HAGH: variants seen among roughly 807,000 people sequenced by gnomAD.
HAGH encodes hydroxyacylglutathione hydrolase, also known as hydroxyacylglutathione hydrolase, mitochondrial.
HAGH carries 29 observed loss-of-function variants against 35.1 expected under a neutral mutation model. The observed-to-expected ratio is 0.83, with a 90% confidence interval of 0.62 to 1.13. HAGH has a LOEUF of 1.13. Among genes scored for constraint, HAGH ranks in the 50% most tolerant of loss-of-function variants. HAGH has a pLI of 0.00. For missense variants in HAGH, 478 were observed against 419.6 expected, an observed-to-expected ratio of 1.14 and a Z score of -1.22; for synonymous variants, 225 against 176.1, an observed-to-expected ratio of 1.28 and a Z score of -2.20.
intron 7 of HAGH, chr16:1,812,513 A>AAAACC (rs1555466960): frequency 7.1e-6 from 1 of 141,016 alleles, no homozygotes; most frequent in Non-Finnish European, 1.5e-5. Flanking sequence ...TCAAAAAAAA[A>AAAACC]AAAAAACAAA....
rs140613961 is a variant in HAGH, at chr16:1,809,344, G to A, written c.866C>T (p.Pro289Leu). 3.1e-5 allele frequency: 50 copies of A among 1,613,226 alleles called. No homozygotes were observed. Among genetic ancestry groups the A allele is most frequent in the African/African-American group, 4.0e-5 (3 of 74,918 alleles). ...GCGCACGGCCCGCATGGTGGTCACCGGGTCCGTCTCACCTGCGTGCTGCTG... is the reference window on the plus strand; with the variant it reads ...GCGCACGGCCCGCATGGTGGTCACCAGGTCCGTCTCACCTGCGTGCTGCTG... ...TVQQHAGETDPVTTMRAVRRE... is the reference protein window; with the variant it reads ...TVQQHAGETDLVTTMRAVRRE... The change falls in exon 9 of 9, where the codon CCG becomes CTG. Residue 289 changes from proline (P) to leucine (L), a missense_variant. Pro to Leu is a moderately conservative substitution (Grantham distance 98). Coordinates refer to ENST00000397356, the MANE Select transcript of HAGH (RefSeq NM_005326.6).
rs1318500323 is a variant in HAGH, at chr16:1,819,227, C to T, written c.433-4G>A. On this transcript the variant is annotated splice_region_variant and splice_polypyrimidine_tract_variant and intron_variant, in intron 4 of 8. Coordinates refer to ENST00000397356, the MANE Select transcript of HAGH (RefSeq NM_005326.6). Reference sequence around the variant, plus strand: ...ACTTGACGTTCAGAGACCCCACCTTCAACAAAGCAGGCGACCGCGTGTGCT... The same window carrying T: ...ACTTGACGTTCAGAGACCCCACCTTTAACAAAGCAGGCGACCGCGTGTGCT... 2 of 1,595,450 alleles carry T rather than the reference C, an allele frequency of 1.3e-6. No homozygotes were observed. Among genetic ancestry groups the T allele is most frequent in the Non-Finnish European group, 1.7e-6 (2 of 1,165,170 alleles).
At chr16:1,821,990 A>G (rs905081862) in intron 3 of HAGH, 29 of 311,908 alleles carry the variant, frequency 9.3e-5, no homozygotes, top group Non-Finnish European at 1.4e-4. Flanking sequence ...CTGTAGACTC[A>G]TTTCCTCCCC....
At chr16:1,814,411 T>G (rs539058675) in intron 7 of HAGH, among the ~76,000 whole-genome samples, 1,541 of 151,574 alleles carry the variant, frequency 0.01, 10 homozygotes, top group Non-Finnish European at 0.016. Flanking sequence ...GAGGTGGATG[T>G]TGCGGTGAGC....
intron 7 of HAGH, among the ~76,000 whole-genome samples, chr16:1,816,129 G>A (rs957852605): frequency 9.5e-5 from 14 of 147,972 alleles, no homozygotes; most frequent in African/African-American, 1.7e-4. Context: ...TCTTGAACCC[G>A]GGAGGTGCTG....
chr16:1,814,885 A>C (rs537417449), intron 7 of HAGH, among the ~76,000 whole-genome samples: 1 of 151,884 alleles, frequency 6.6e-6, no homozygotes, highest in Non-Finnish European at 1.5e-5. Context: ...GCGACAGAGC[A>C]AGACTTTGTC....
chr16:1,812,077 A>G (rs1367334352), intron 7 of HAGH, among the ~76,000 whole-genome samples: 1 of 151,714 alleles, frequency 6.6e-6, no homozygotes, highest in Non-Finnish European at 1.5e-5. Flanking sequence ...CTGTAGTCCC[A>G]GGTACGGGAG....
intron 8 of HAGH, 138 bp downstream of exon 8, chr16:1,809,616 C>T (rs1327902917): frequency 5.4e-6 from 4 of 743,898 alleles, no homozygotes; most frequent in Admixed American, 2.0e-5. Context: ...GAAGAGTGCT[C>T]GGGCTCTGCG....
chr16:1,817,156 G>A lies in HAGH; in HGVS notation c.645+12C>T. 2 of 1,566,686 alleles carry A rather than the reference G, an allele frequency of 1.3e-6. No homozygotes were observed. The highest frequency in any genetic ancestry group is 1.8e-6 in the Non-Finnish European group (2 of 1,136,714). On this transcript the variant is annotated intron_variant, in intron 6 of 8. Transcript: ENST00000397356. ...CCCCCCACACCCCGGCCCGCAGGGA[G>A]GCGCTGCCTACTGTGTCCGGGGGGA...
rs1897952124 is a variant in HAGH at position 1,817,341 on chromosome 16, G to A, written c.542-70C>T. ...TGGCTAGGACTCAGGAGGGGGCCAGGAGCAGGGTGACACTCACCGGCAAGG... is the reference window on the plus strand; with the variant it reads ...TGGCTAGGACTCAGGAGGGGGCCAGAAGCAGGGTGACACTCACCGGCAAGG... On this transcript the variant is annotated intron_variant, in intron 5 of 8. Coordinates refer to ENST00000397356, the MANE Select transcript of HAGH (RefSeq NM_005326.6). 8.2e-6 allele frequency: 8 copies of A among 972,818 alleles called. No homozygotes were observed. The Admixed American group carries it at 1.3e-4, about 15-fold the overall frequency. The allele number at this position is 972,818 out of a possible 1,614,324, so 60.3% of individuals were successfully genotyped here.
intron 7 of HAGH, among the ~76,000 whole-genome samples, chr16:1,811,665 G>A (rs1230086511): frequency 1.3e-5 from 2 of 151,576 alleles, no homozygotes; most frequent in Non-Finnish European, 2.9e-5. Context: ...GTAGTGAGCC[G>A]AGATCGCACC....
At chr16:1,823,450 A>C (rs1596941607) in intron 1 of HAGH, among the ~76,000 whole-genome samples, 1 of 151,714 alleles carries the variant, frequency 6.6e-6, no homozygotes, top group East Asian at 1.9e-4. Flanking sequence ...TGTATTTTTT[A>C]GTAGAGACGG....
At chr16:1,820,092 AGCTGAGGG>A (rs1898088350) in intron 3 of HAGH, 78 bp from the exon 4 acceptor site, 2 of 378,238 alleles carry the variant, frequency 5.3e-6, no homozygotes, top group Admixed American at 3.9e-5. Flanking sequence ...CTGCCTGCTG[AGCTGAGGG>A]GCTGCCTGCT....
intron 7 of HAGH, 105 bp from the exon 8 acceptor site, chr16:1,809,938 TG>T: frequency 1.3e-6 from 1 of 791,858 alleles, no homozygotes; most frequent in Non-Finnish European, 2.2e-6. Flanking sequence ...CTAAGGCAGA[TG>T]GATCACTTGA....
At chr16:1,824,158 G>A (rs1898286702) in intron 1 of HAGH, among the ~76,000 whole-genome samples, 2 of 150,998 alleles carry the variant, frequency 1.3e-5, no homozygotes, top group Admixed American at 1.3e-4. Flanking sequence ...GGAGGTGAAA[G>A]TTTCAGTGAG....
chr16:1,819,933 G>T lies in HAGH; in HGVS notation c.396C>A (p.Ala132=). The part of the protein sequence containing the change: ...KVYGGDDRIG[A]LTHKITHLST... ...ACAGGTGAGTGATCTTGTGAGTCAG[G>T]GCCCCGATACGGTCGTCACCCCCGT... Residue 132 remains alanine (A), a synonymous_variant, in exon 4 of 9, where the codon GCC becomes GCA. Coordinates refer to ENST00000397356, the MANE Select transcript of HAGH (RefSeq NM_005326.6). 2 of 1,612,670 alleles carry T rather than the reference G, an allele frequency of 1.2e-6. No individual in the cohort carries two copies. Among genetic ancestry groups the T allele is most frequent in the Non-Finnish European group, 1.7e-6 (2 of 1,178,966 alleles).
chr16:1,819,290 C>T lies in HAGH; in HGVS notation c.433-67G>A, dbSNP rs149502539. ...GGAGAGCCATCTCCCGGGGTCACGGCGCGCCGCCTGGGCCCTACTGGGCCT... is the reference window on the plus strand; with the variant it reads ...GGAGAGCCATCTCCCGGGGTCACGGTGCGCCGCCTGGGCCCTACTGGGCCT... On this transcript the variant is annotated intron_variant, in intron 4 of 8. Transcript: ENST00000397356. 2.5e-4 allele frequency: 263 copies of T among 1,043,064 alleles called. 1 individual carries two copies. The East Asian group carries it at 6.4e-3, about 25-fold the overall frequency. The allele number at this position is 1,043,064 out of a possible 1,614,324, so 64.6% of individuals were successfully genotyped here.
intron 3 of HAGH, 145 bp from the exon 4 acceptor site, chr16:1,820,159 A>C (rs1196591636): frequency 1.5e-6 from 1 of 683,438 alleles, no homozygotes; most frequent in Non-Finnish European, 2.6e-6. Flanking sequence ...CTCACAAAGG[A>C]AACCGAGGAA....
intron 1 of HAGH, among the ~76,000 whole-genome samples, chr16:1,825,937 C>A (rs141049789): frequency 2.0e-5 from 3 of 152,322 alleles, no homozygotes; most frequent in Middle Eastern, 3.4e-3. Context: ...AATACGGGGG[C>A]TGGGGCCTCC....
Sources: allele counts gnomAD v4.1 joint callset (sites outside exome capture counted in the v4.1 genomes callset), GRCh38; gene constraint gnomAD v4.1.1; transcripts MANE v1.5; gene names NCBI Gene and HGNC (gene_info 2026-07-23, HGNC 2026-07-21).